The following PPP4R2 variants were observed in gnomAD, a reference collection of about 807,000 sequenced individuals.
PPP4R2 encodes the protein protein phosphatase 4 regulatory subunit 2, also known as serine/threonine-protein phosphatase 4 regulatory subunit 2.
PPP4R2 carries 13 observed loss-of-function variants against 47.2 expected under a neutral mutation model. The observed-to-expected ratio is 0.28, with a 90% CI of 0.18 to 0.44. The LOEUF (loss-of-function observed/expected upper bound fraction) is 0.44. PPP4R2 is among the 20% of genes least tolerant of loss of function. The probability of loss-of-function intolerance (pLI) is 1.00; values close to 1 mark genes in which losing one functional copy is unlikely to be tolerated. For synonymous variants in PPP4R2, 151 were observed against 163.3 expected (o/e 0.92, Z 0.57); for missense variants, 421 against 491.2 (o/e 0.86, Z 1.35).
chr3:73,041,880 G>T (rs1381024873), intron 2 of PPP4R2, among the ~76,000 whole-genome samples: 1 of 152,236 alleles, frequency 6.6e-6, no homozygotes, highest in Non-Finnish European at 1.5e-5. Context: ...TTAGAGAATT[G>T]TGAGAGAAAC....
chr3:73,012,436 A>G (rs1311485209), intron 2 of PPP4R2, among the ~76,000 whole-genome samples: 1 of 152,094 alleles, frequency 6.6e-6, no homozygotes, highest in African/African-American at 2.4e-5. Flanking sequence ...CTTAGCTGGG[A>G]CTACGAGCGC....
intron 3 of PPP4R2, 26 bp downstream of exon 3, chr3:73,047,382 ATTTAAT>A: frequency 6.9e-7 from 1 of 1,455,350 alleles, no homozygotes; most frequent in Non-Finnish European, 9.3e-7. Flanking sequence ...TGTTTTAAAG[ATTTAAT>A]TTTTAGCAGA....
In PPP4R2 at chr3:73,065,633, A is replaced by G. The variant is rs764494602; in HGVS notation, c.1165A>G (p.Ser389Gly). 10 of 1,613,306 alleles carry G rather than the reference A, an allele frequency of 6.2e-6. No homozygotes were observed. The African/African-American group carries it at 9.3e-5, about 15-fold the overall frequency. The part of the protein sequence containing the change: ...ETEELVGSNS[S>G]KTGEILSESS... ...AGAAGAATTAGTAGGATCCAATTCC[A>G]GTAAAACTGGAGAGATTCTTTCAGA... Residue 389 changes from serine (S) to glycine (G), a missense_variant, in exon 9 of 9, where the codon AGT becomes GGT. By Grantham distance (56) the Ser-to-Gly change is moderately conservative (BLOSUM62 0). Transcript: ENST00000356692.
chr3:73,022,775 T>TGA (rs1701986132), intron 2 of PPP4R2, among the ~76,000 whole-genome samples: 1 of 151,926 alleles, frequency 6.6e-6, no homozygotes, highest in African/African-American at 2.4e-5. Flanking sequence ...TTTCTTTTTT[T>TGA]TTTTTTTTTT....
Position 73,048,800 on chromosome 3 carries a change from T to TA in PPP4R2, c.287+1446dup, listed in dbSNP as rs557119344. On this transcript the variant is annotated intron_variant, in intron 3 of 8. Transcript: ENST00000356692. ...TATTTAATTGCATGGGATTTTGAAA[T>TA]AAGATAGTGTAATCCAGTTAACGGT... is the stretch of plus-strand genomic sequence containing the variant. Among the ~76,000 whole-genome samples, 8 of 152,368 alleles carry TA rather than the reference T, an allele frequency of 5.3e-5. No individual in the cohort carries two copies. In the South Asian group the frequency reaches 1.7e-3, roughly 32 times the overall value.
chr3:73,011,866 A>T (rs1701732058), intron 2 of PPP4R2, among the ~76,000 whole-genome samples: 1 of 152,226 alleles, frequency 6.6e-6, no homozygotes, highest in Non-Finnish European at 1.5e-5. Flanking sequence ...CCACACCAAT[A>T]TTGGGAGGTA....
intron 5 of PPP4R2, chr3:73,062,766 G>C: frequency 6.2e-7 from 1 of 1,613,980 alleles, no homozygotes. Flanking sequence ...TGAGAGTGCT[G>C]ATCTGCTAAT....
Position 73,042,508 on chromosome 3 carries a change from G to T in PPP4R2, c.117-4678G>T, listed in dbSNP as rs545698898. ...GCCTCCCGAGTAGCTGGGAATACAG[G>T]TTTGTGCCACCACACCCAGCTAATT... On this transcript the variant is annotated intron_variant, in intron 2 of 8. Transcript: ENST00000356692. Among the ~76,000 whole-genome samples, 67 of 151,760 alleles carry T rather than the reference G, an allele frequency of 4.4e-4. 1 individual carries two copies. Among genetic ancestry groups the T allele is most frequent in the African/African-American group, 1.5e-3 (64 of 41,390 alleles).
chr3:73,063,082 C>A (rs1294504954), intron 5 of PPP4R2: 6 of 621,736 alleles, frequency 9.7e-6, no homozygotes, highest in Non-Finnish European at 1.7e-5. Flanking sequence ...ACTTTGCCAC[C>A]CCATTATTGG....
At chr3:73,019,990 T>A (rs1701925815) in intron 2 of PPP4R2, among the ~76,000 whole-genome samples, 2 of 152,218 alleles carry the variant, frequency 1.3e-5, no homozygotes, top group Admixed American at 1.3e-4. Flanking sequence ...TTTGGTTGTT[T>A]TATCATTATT....
chr3:73,051,839 A>T (rs908482046), intron 3 of PPP4R2, among the ~76,000 whole-genome samples: 2 of 152,032 alleles, frequency 1.3e-5, no homozygotes, highest in African/African-American at 4.8e-5. Flanking sequence ...GTTAGCCAGG[A>T]TGGTCTCGAT....
At chr3:73,022,978 T>C (rs538437431) in intron 2 of PPP4R2, among the ~76,000 whole-genome samples, 3 of 152,132 alleles carry the variant, frequency 2.0e-5, no homozygotes, top group Non-Finnish European at 4.4e-5. Context: ...AGAAAATGTT[T>C]TAAGAGACAG....
intron 3 of PPP4R2, among the ~76,000 whole-genome samples, chr3:73,052,855 A>G (rs1232781791): frequency 6.6e-6 from 1 of 152,214 alleles, no homozygotes. Context: ...GATACCTAAT[A>G]ATCTTTATAT....
intron 3 of PPP4R2, among the ~76,000 whole-genome samples, chr3:73,055,675 T>TA (rs1702717854): frequency 6.6e-6 from 1 of 151,486 alleles, no homozygotes. Flanking sequence ...CGCTTTTTTT[T>TA]TTTTGGAGAC....
chr3:73,065,276 T>A, intron 8 of PPP4R2, 121 bp from the exon 9 acceptor site: 1 of 1,282,136 alleles, frequency 7.8e-7, no homozygotes, highest in Non-Finnish European at 1.1e-6. Flanking sequence ...CACCTGTATG[T>A]AGTTGCTGCT....
In PPP4R2 at chr3:73,065,489, GA is replaced by G; in HGVS notation, c.1022del (p.Glu341GlyfsTer30). ...DALTVNEETSEENNQMEESDV... is the reference protein window; with the variant it reads ...DALTVNEETSXENNQMEESDV... ...CTTAACTGTGAATGAAGAGACTTCT[GA>G]GGAAAATAATCAAATGGAGGAATCT... On this transcript the variant is annotated frameshift_variant, in exon 9 of 9. Transcript: ENST00000356692. LOFTEE classifies it high-confidence loss of function. 1 of 1,611,804 alleles carries G rather than the reference GA, an allele frequency of 6.2e-7. No homozygotes were observed. The highest frequency in any genetic ancestry group is 8.5e-7 in the Non-Finnish European group (1 of 1,179,718).
chr3:73,006,945 T>TG (rs5850093), intron 2 of PPP4R2, among the ~76,000 whole-genome samples: 80,247 of 151,966 alleles, frequency 0.53, 21,573 homozygotes, highest in African/African-American at 0.62. Flanking sequence ...ATCCACTTTT[T>TG]GAGTCTGTGG....
chr3:73,012,048 G>A (rs1701736173), intron 2 of PPP4R2, among the ~76,000 whole-genome samples: 1 of 152,152 alleles, frequency 6.6e-6, no homozygotes, highest in African/African-American at 2.4e-5. Context: ...GCAAAGTACG[G>A]TTGTCCCTTG....
chr3:73,015,129 G>A (rs994013064), intron 2 of PPP4R2: 1 of 442,332 alleles, frequency 2.3e-6, no homozygotes, highest in Non-Finnish European at 4.0e-6. Flanking sequence ...ATGTCATAAA[G>A]TCCTATAAAA....
Sources: allele counts gnomAD v4.1 joint callset (sites outside exome capture counted in the v4.1 genomes callset), GRCh38; gene constraint gnomAD v4.1.1; transcripts MANE v1.5; gene names NCBI Gene and HGNC (gene_info 2026-07-23, HGNC 2026-07-21).